SULF2: variants seen among roughly 807,000 people sequenced by gnomAD.
SULF2 encodes the protein extracellular sulfatase Sulf-2.
In SULF2, 52 loss-of-function variants were observed where a neutral mutation model predicts 107.7. That is an observed-to-expected ratio of 0.48 (90% CI 0.39 to 0.61). SULF2 has a LOEUF of 0.61. SULF2 is among the 20% of genes least tolerant of loss of function. The pLI is 0.00. For synonymous variants in SULF2, 460 were observed against 464.3 expected, an observed-to-expected ratio of 0.99 and a Z score of 0.12; for missense variants, 993 against 1,177.3, an observed-to-expected ratio of 0.84 and a Z score of 2.29.
chr20:47,709,810 CAG>C (rs1300184794), intron 3 of SULF2, among the ~76,000 whole-genome samples: 14 of 151,084 alleles, frequency 9.3e-5, no homozygotes, highest in Non-Finnish European at 1.5e-4. Flanking sequence ...AAGATAGAGA[CAG>C]AGAGACAGAA....
At chr20:47,772,687 A>T (rs2090653821) in intron 1 of SULF2, among the ~76,000 whole-genome samples, 1 of 151,934 alleles carries the variant, frequency 6.6e-6, no homozygotes, top group South Asian at 2.1e-4. Flanking sequence ...AATCTAGGCC[A>T]CTTCACTCAC....
intron 1 of SULF2, among the ~76,000 whole-genome samples, chr20:47,761,462 CAT>C (rs934669852): frequency 6.6e-6 from 1 of 152,204 alleles, no homozygotes; most frequent in Non-Finnish European, 1.5e-5. Context: ...AACACAAACA[CAT>C]GTTTTGGGAA....
At chr20:47,686,635 T>A (rs911061277) in intron 5 of SULF2, among the ~76,000 whole-genome samples, 3 of 152,146 alleles carry the variant, frequency 2.0e-5, no homozygotes, top group Admixed American at 6.5e-5. Context: ...CACAGACATG[T>A]CTCCCTCTGG....
chr20:47,717,304 C>A (rs1469838681), intron 3 of SULF2, among the ~76,000 whole-genome samples: 1 of 152,160 alleles, frequency 6.6e-6, no homozygotes, highest in Non-Finnish European at 1.5e-5. Context: ...CACAGAGAGG[C>A]AAAGTCCCCT....
intron 4 of SULF2, among the ~76,000 whole-genome samples, chr20:47,696,647 T>C (rs2088389195): frequency 6.6e-6 from 1 of 152,230 alleles, no homozygotes; most frequent in South Asian, 2.1e-4. Context: ...ATCAGTAATA[T>C]ACACAGGGTG....
chr20:47,703,910 A>G (rs562894156), intron 3 of SULF2, among the ~76,000 whole-genome samples: 1 of 152,364 alleles, frequency 6.6e-6, no homozygotes, highest in South Asian at 2.1e-4. Context: ...ACCAGATACA[A>G]AAGAATACAT....
intron 1 of SULF2, among the ~76,000 whole-genome samples, chr20:47,780,208 G>A (rs1413862109): frequency 6.6e-6 from 1 of 151,860 alleles, no homozygotes; most frequent in African/African-American, 2.4e-5. Context: ...GCAGAGATGA[G>A]GTTTCACCGT....
intron 2 of SULF2, among the ~76,000 whole-genome samples, chr20:47,748,885 C>G (rs1382119267): frequency 6.6e-6 from 1 of 152,152 alleles, no homozygotes; most frequent in Non-Finnish European, 1.5e-5. Flanking sequence ...CTTGCTCACA[C>G]CTTAGCAAAA....
chr20:47,754,962 T>C (rs1015420971), intron 2 of SULF2, among the ~76,000 whole-genome samples: 1 of 152,182 alleles, frequency 6.6e-6, no homozygotes, highest in African/African-American at 2.4e-5. Flanking sequence ...AGCCTCCCAT[T>C]AGCTGCTACT....
In SULF2 at chr20:47,684,413, C is replaced by A. The variant is rs1200769792; in HGVS notation, c.888+18G>T. 1 of 1,598,304 alleles carries A rather than the reference C, an allele frequency of 6.3e-7. No homozygotes were observed. Among genetic ancestry groups the A allele is most frequent in the African/African-American group, 1.3e-5 (1 of 74,498 alleles). On this transcript the variant is annotated intron_variant, in intron 6 of 20. Coordinates refer to ENST00000688720, the MANE Select transcript of SULF2 (RefSeq NM_001387048.1). The stretch of plus-strand genomic sequence containing the variant: ...GTTCGGAGCCACGCCCACCAAGAGG[C>A]ATGCAGCGGGCGCCTACCGTCTCCA...
At chr20:47,670,487 C>T (rs563013708) in intron 11 of SULF2, among the ~76,000 whole-genome samples, 17 of 150,766 alleles carry the variant, frequency 1.1e-4, no homozygotes, top group African/African-American at 3.7e-4. Context: ...CCACTGTGCC[C>T]GATCAGGAAG....
chr20:47,677,932 A>G (rs6512463), intron 8 of SULF2: 47,677 of 152,200 alleles, frequency 0.31, 7,786 homozygotes, highest in Middle Eastern at 0.39. Context: ...GGGAGGCCAC[A>G]GGGGAAGGGC....
At chr20:47,747,982 C>T (rs918991956) in intron 2 of SULF2, among the ~76,000 whole-genome samples, 1 of 152,224 alleles carries the variant, frequency 6.6e-6, no homozygotes, top group African/African-American at 2.4e-5. Context: ...GCTGCAAACA[C>T]CACCTGATCT....
intron 4 of SULF2, among the ~76,000 whole-genome samples, chr20:47,699,412 G>A (rs1472966392): frequency 6.6e-6 from 1 of 151,726 alleles, no homozygotes; most frequent in Non-Finnish European, 1.5e-5. Context: ...GTACTACTGT[G>A]TACCCCTGAG....
At chr20:47,762,573 C>G (rs1458883364) in intron 1 of SULF2, among the ~76,000 whole-genome samples, 3 of 152,234 alleles carry the variant, frequency 2.0e-5, no homozygotes, top group Admixed American at 2.0e-4. Flanking sequence ...GGCAGCTCAA[C>G]CAGGACCCCC....
chr20:47,757,151 G>C (rs751824796), intron 2 of SULF2, 38 bp downstream of exon 2: 1 of 1,518,382 alleles, frequency 6.6e-7, no homozygotes, highest in Admixed American at 2.1e-5. Flanking sequence ...ACCCTGCTCC[G>C]AGGGGCCGAG....
intron 1 of SULF2, among the ~76,000 whole-genome samples, chr20:47,772,856 A>C (rs2090657683): frequency 6.6e-6 from 1 of 152,154 alleles, no homozygotes; most frequent in African/African-American, 2.4e-5. Flanking sequence ...AAGACTTGGC[A>C]ATGCAAGAAG....
intron 3 of SULF2, among the ~76,000 whole-genome samples, chr20:47,709,191 G>A (rs1189509790): frequency 6.6e-6 from 1 of 152,196 alleles, no homozygotes; most frequent in Non-Finnish European, 1.5e-5. Context: ...TGTGGCAGGT[G>A]GCTGGTGCCT....
intron 3 of SULF2, among the ~76,000 whole-genome samples, chr20:47,710,861 G>A (rs1642729707): frequency 6.6e-6 from 1 of 152,172 alleles, no homozygotes; most frequent in South Asian, 2.1e-4. Flanking sequence ...TTCCCCATTT[G>A]TCTGAGTTAA....
Sources: gnomAD v4.1 joint callset for allele counts (sites outside exome capture counted in the v4.1 genomes callset) on GRCh38, gnomAD v4.1.1 for gene constraint, MANE v1.5 for transcripts, NCBI Gene and HGNC (gene_info 2026-07-23, HGNC 2026-07-21) for gene names.